Variants in LRP1B observed in about 807,000 individuals in gnomAD.
LRP1B encodes low-density lipoprotein receptor-related protein 1B.
In LRP1B, 217 loss-of-function variants were observed where a neutral mutation model predicts 556.6. The observed-to-expected ratio is 0.39, with a 90% confidence interval of 0.35 to 0.44. The LOEUF (loss-of-function observed/expected upper bound fraction) is 0.44. Among genes scored for constraint, LRP1B ranks in the 20% least tolerant of loss-of-function variants. LRP1B has a pLI of 1.00. For synonymous variants in LRP1B, 2,047 were observed against 1,865.8 expected (o/e 1.10, Z -2.50); for missense variants, 5,053 against 5,620.8 (o/e 0.90, Z 3.23).
intron 54 of LRP1B, among the ~76,000 whole-genome samples, chr2:140,502,194 G>C (rs1473450313): frequency 6.6e-6 from 1 of 151,928 alleles, no homozygotes; most frequent in East Asian, 1.9e-4. Flanking sequence ...AAAGTTTAAT[G>C]ATAGTTTGAC....
intron 66 of LRP1B, among the ~76,000 whole-genome samples, chr2:140,403,846 T>C (rs986359450): frequency 6.6e-6 from 1 of 151,944 alleles, no homozygotes; most frequent in Non-Finnish European, 1.5e-5. Flanking sequence ...AAAGTTAATA[T>C]GAAGAAAACA....
chr2:141,544,361 C>CTTTTCTTCTT (rs1418071170), intron 2 of LRP1B, among the ~76,000 whole-genome samples: 8 of 98,246 alleles, frequency 8.1e-5, no homozygotes, highest in African/African-American at 3.1e-4. Flanking sequence ...TCTTCTTCTT[C>CTTTTCTTCTT]TTCTTCTTCT....
chr2:141,761,059 C>G (rs1192553183), intron 2 of LRP1B, among the ~76,000 whole-genome samples: 2 of 152,100 alleles, frequency 1.3e-5, no homozygotes, highest in African/African-American at 4.8e-5. Context: ...AAATCTGTAA[C>G]ATGAGCATGT....
At chr2:141,283,738 G>A (rs1558980476) in intron 3 of LRP1B, among the ~76,000 whole-genome samples, 1 of 149,296 alleles carries the variant, frequency 6.7e-6, no homozygotes, top group African/African-American at 2.5e-5. Flanking sequence ...TGGGACTACA[G>A]GTGTGCCCCA....
chr2:141,278,247 G>C (rs2105382029), intron 3 of LRP1B, among the ~76,000 whole-genome samples: 1 of 152,268 alleles, frequency 6.6e-6, no homozygotes, highest in Middle Eastern at 3.4e-3. Context: ...GTCCCAGGAA[G>C]AGTCACCTTG....
chr2:141,787,935 C>A (rs750052356), intron 2 of LRP1B, among the ~76,000 whole-genome samples: 15 of 151,760 alleles, frequency 9.9e-5, no homozygotes, highest in East Asian at 1.9e-4. Flanking sequence ...ACATTCTAAC[C>A]AATTTTATCA....
intron 35 of LRP1B, among the ~76,000 whole-genome samples, chr2:140,768,763 A>G (rs1310141117): frequency 6.6e-6 from 1 of 151,974 alleles, no homozygotes; most frequent in Non-Finnish European, 1.5e-5. Flanking sequence ...TCAGTGGTGT[A>G]GCATGTATAA....
At chr2:140,339,535 T>G (rs1681264698) in intron 77 of LRP1B, among the ~76,000 whole-genome samples, 2 of 151,646 alleles carry the variant, frequency 1.3e-5, no homozygotes, top group South Asian at 4.1e-4. Flanking sequence ...CCAATGGAAT[T>G]GTATTAAAAC....
chr2:141,779,742 G>T (rs2217965), intron 2 of LRP1B, among the ~76,000 whole-genome samples: 29,683 of 151,774 alleles, frequency 0.2, 3,379 homozygotes, highest in East Asian at 0.39. Context: ...TGTATAGATA[G>T]GAAATTGAAC....
intron 25 of LRP1B, among the ~76,000 whole-genome samples, chr2:140,872,400 T>G (rs2105165290): frequency 7.3e-6 from 1 of 137,792 alleles, no homozygotes; most frequent in African/African-American, 2.8e-5. Context: ...CTAAAGTAGC[T>G]ATTGCAACAG....
At chr2:140,460,307 T>A (rs557466341) in intron 60 of LRP1B, among the ~76,000 whole-genome samples, 1 of 152,164 alleles carries the variant, frequency 6.6e-6, no homozygotes, top group Non-Finnish European at 1.5e-5. Flanking sequence ...CTTATTTTCT[T>A]TGTAAATTAC....
intron 35 of LRP1B, among the ~76,000 whole-genome samples, chr2:140,750,091 C>T (rs1172452259): frequency 1.2e-4 from 5 of 42,428 alleles, no homozygotes; most frequent in Non-Finnish European, 4.1e-4. Context: ...CACACACACA[C>T]ACACACACAC....
chr2:141,024,918 A>G (rs1252921446), intron 11 of LRP1B, among the ~76,000 whole-genome samples: 2 of 152,018 alleles, frequency 1.3e-5, no homozygotes, highest in African/African-American at 4.8e-5. Flanking sequence ...GGGCAGTAAG[A>G]AGGCCTGCTG....
intron 2 of LRP1B, among the ~76,000 whole-genome samples, chr2:141,542,607 A>G (rs987446811): frequency 6.6e-6 from 1 of 152,154 alleles, no homozygotes; most frequent in African/African-American, 2.4e-5. Flanking sequence ...AAAAGACATT[A>G]CAAAAATTAG....
chr2:141,200,851 C>T (rs1681982783), intron 6 of LRP1B, among the ~76,000 whole-genome samples: 1 of 152,110 alleles, frequency 6.6e-6, no homozygotes, highest in Non-Finnish European at 1.5e-5. Context: ...AGTAAGTGTT[C>T]CGTGAATATT....
intron 2 of LRP1B, among the ~76,000 whole-genome samples, chr2:141,641,537 C>T (rs1689334865): frequency 6.6e-6 from 1 of 152,012 alleles, no homozygotes; most frequent in Admixed American, 6.6e-5. Context: ...AAGGGAGCTT[C>T]CAAAACATTT....
intron 20 of LRP1B, among the ~76,000 whole-genome samples, chr2:140,925,241 T>A (rs1694853501): frequency 6.6e-6 from 1 of 152,110 alleles, no homozygotes; most frequent in South Asian, 2.1e-4. Flanking sequence ...ACATAGCTAC[T>A]ACAGTTGTAA....
At chr2:140,966,922 A>G (rs1011895564) in intron 18 of LRP1B, among the ~76,000 whole-genome samples, 15 of 152,146 alleles carry the variant, frequency 9.9e-5, no homozygotes, top group Non-Finnish European at 7.3e-5. Context: ...TGGTACCAGT[A>G]CTATGCTGTT....
chr2:141,615,162 T>C (rs544601613), intron 2 of LRP1B, among the ~76,000 whole-genome samples: 196 of 152,332 alleles, frequency 1.3e-3, no homozygotes, highest in Non-Finnish European at 1.9e-3. Context: ...ATTTCTACTT[T>C]GGAGAGGAAG....
Sources: gnomAD v4.1 joint callset for allele counts (sites outside exome capture counted in the v4.1 genomes callset) on GRCh38, gnomAD v4.1.1 for gene constraint, MANE v1.5 for transcripts, NCBI Gene and HGNC (gene_info 2026-07-23, HGNC 2026-07-21) for gene names.